Variants in RNMT observed in about 807,000 individuals in gnomAD.
The protein encoded by RNMT is RNA guanine-7 methyltransferase.
Under a neutral mutation model 56.0 loss-of-function variants are expected in RNMT, and 27 were observed. That is an observed-to-expected ratio of 0.48 (90% CI 0.36 to 0.67). RNMT has a LOEUF of 0.67. Among genes scored for constraint, RNMT ranks in the 30% least tolerant of loss-of-function variants. The probability of loss-of-function intolerance (pLI) is 0.00; values close to 1 mark genes in which losing one functional copy is unlikely to be tolerated. For missense variants in RNMT, 519 were observed against 552.1 expected, an observed-to-expected ratio of 0.94 and a Z score of 0.60; for synonymous variants, 184 against 176.2, an observed-to-expected ratio of 1.04 and a Z score of -0.35.
intron 9 of RNMT, 54 bp downstream of exon 9, chr18:13,746,391 G>A: frequency 9.9e-7 from 1 of 1,010,916 alleles, no homozygotes; most frequent in East Asian, 2.4e-5. Context: ...TTGTTTGGCT[G>A]TTCTTGAGAT....
intron 1 of RNMT, among the ~76,000 whole-genome samples, chr18:13,728,321 T>G (rs2044002421): frequency 7.2e-5 from 5 of 69,132 alleles, no homozygotes; most frequent in African/African-American, 1.8e-4. Flanking sequence ...TTTTTTTTTT[T>G]TTTTTTTTTT....
chr18:13,728,855 A>G (rs969699849), intron 1 of RNMT, among the ~76,000 whole-genome samples: 4 of 151,734 alleles, frequency 2.6e-5, no homozygotes, highest in African/African-American at 4.8e-5. Context: ...TATTGAGTTG[A>G]GTTTCTTCTG....
intron 1 of RNMT, among the ~76,000 whole-genome samples, chr18:13,728,987 A>G (rs1186924411): frequency 6.6e-6 from 1 of 151,954 alleles, no homozygotes; most frequent in Non-Finnish European, 1.5e-5. Flanking sequence ...ATGTAATCCC[A>G]TTTGTCTGTT....
At chr18:13,752,564 T>C (rs1225116851) in intron 10 of RNMT, 137 bp downstream of exon 10, 1 of 602,672 alleles carries the variant, frequency 1.7e-6, no homozygotes, top group African/African-American at 1.8e-5. Context: ...CACTAAGTGA[T>C]GTTGACTTGT....
intron 1 of RNMT, among the ~76,000 whole-genome samples, chr18:13,727,058 A>C (rs775918270): frequency 1.4e-4 from 22 of 152,174 alleles, no homozygotes; most frequent in Admixed American, 1.2e-3. Flanking sequence ...GGCGCTTCGG[A>C]AACCTGAACC....
chr18:13,731,373 A>G (rs1428180833), intron 2 of RNMT, 103 bp from the exon 3 acceptor site: 1 of 575,154 alleles, frequency 1.7e-6, no homozygotes, highest in Non-Finnish European at 3.0e-6. Flanking sequence ...ATGCCATTGC[A>G]CTCCAGCCTG....
chr18:13,762,176 T>C lies in RNMT; in HGVS notation c.*2197T>C, dbSNP rs1234868653. 1 of 1,522,508 alleles carries C rather than the reference T, an allele frequency of 6.6e-7. No homozygotes were observed. The highest frequency in any genetic ancestry group is 2.5e-5 in the East Asian group (1 of 40,724). The allele number at this position is 1,522,508 out of a possible 1,614,324, so 94.3% of individuals were successfully genotyped here. A position where few individuals can be genotyped will look rare whatever the true frequency, so the allele number is the denominator to read the frequency against. On this transcript the variant is annotated 3_prime_UTR_variant, in exon 12 of 12. Coordinates refer to ENST00000383314, the MANE Select transcript of RNMT (RefSeq NM_003799.3). ...TATCCTCTGAGAATGGAATTGGAAA[T>C]GAAGACCTAACCAGCTATTGGTGGG...
intron 11 of RNMT, among the ~76,000 whole-genome samples, 200 bp from the exon 12 acceptor site, chr18:13,759,742 T>C (rs1264196747): frequency 6.6e-6 from 1 of 152,208 alleles, no homozygotes; most frequent in Non-Finnish European, 1.5e-5. Context: ...AGTAGATAAT[T>C]GTTTTAAAGT....
chr18:13,731,966 T>C (rs757695002), intron 3 of RNMT, 32 bp downstream of exon 3: 3 of 1,514,934 alleles, frequency 2.0e-6, no homozygotes, highest in Non-Finnish European at 2.7e-6. Context: ...TTATTCATAA[T>C]AGAATATGTA....
In RNMT at chr18:13,764,125, C is replaced by T. The variant is rs1354728502; in HGVS notation, c.*4146C>T. ...TGCAAGTGGCAGGAGCTGAGAATGC[C>T]AGTACGAGAGTGTAGCCAAAGTGAG... On this transcript the variant is annotated 3_prime_UTR_variant, in exon 12 of 12. Coordinates refer to ENST00000383314, the MANE Select transcript of RNMT (RefSeq NM_003799.3). 6.6e-6 allele frequency: 1 copy of T among 152,152 alleles called. No individual in the cohort carries two copies. Among genetic ancestry groups the T allele is most frequent in the Non-Finnish European group, 1.5e-5 (1 of 68,042 alleles). The allele number at this position is 152,152 out of a possible 1,614,324, so 9.4% of individuals were successfully genotyped here.
chr18:13,752,762 T>G (rs2149103962), intron 10 of RNMT, among the ~76,000 whole-genome samples: 1 of 152,364 alleles, frequency 6.6e-6, no homozygotes, highest in South Asian at 2.1e-4. Flanking sequence ...GGGAAAAAAT[T>G]ACATCTTCAC....
intron 8 of RNMT, among the ~76,000 whole-genome samples, chr18:13,743,272 G>A (rs1205322717): frequency 2.7e-5 from 4 of 148,976 alleles, no homozygotes; most frequent in African/African-American, 9.9e-5. Context: ...GCAGTGAGTC[G>A]AGATCGCGCC....
At chr18:13,749,499 A>G (rs185278253) in intron 9 of RNMT, among the ~76,000 whole-genome samples, 138 of 152,350 alleles carry the variant, frequency 9.1e-4, no homozygotes, top group African/African-American at 3.1e-3. Context: ...GAAAAGAGAC[A>G]AAGAAGATTG....
intron 11 of RNMT, among the ~76,000 whole-genome samples, chr18:13,759,515 G>A (rs935253864): frequency 6.6e-6 from 1 of 152,080 alleles, no homozygotes; most frequent in Admixed American, 6.5e-5. Context: ...AACATGTCAT[G>A]TTATGTATGT....
At chr18:13,742,745 A>C (rs2044272054) in intron 8 of RNMT, 93 bp downstream of exon 8, 1 of 932,710 alleles carries the variant, frequency 1.1e-6, no homozygotes, top group African/African-American at 1.7e-5. Flanking sequence ...TTTATTTTAA[A>C]TGAGGGCTAA....
At position 13,760,836 on chromosome 18, in the gene RNMT, C is replaced by T. The variant is rs1022078511; in HGVS notation, c.*857C>T. ...TATTCTCACCATCTGATGCCATGTACCCACTTCAGAAATAAGCAATACTTG... is the reference window on the plus strand; with the variant it reads ...TATTCTCACCATCTGATGCCATGTATCCACTTCAGAAATAAGCAATACTTG... On this transcript the variant is annotated 3_prime_UTR_variant, in exon 12 of 12. Coordinates refer to ENST00000383314, the MANE Select transcript of RNMT (RefSeq NM_003799.3). 1.0e-6 allele frequency: 1 copy of T among 985,406 alleles called. No homozygotes were observed. 61.0% of individuals were successfully genotyped at this position (985,406 alleles called of 1,614,324 possible).
intron 11 of RNMT, 92 bp downstream of exon 11, chr18:13,754,239 G>T (rs2044505994): frequency 1.3e-6 from 1 of 788,862 alleles, no homozygotes; most frequent in Non-Finnish European, 2.1e-6. Flanking sequence ...GGGCACTGTG[G>T]CTCACACCAG....
chr18:13,755,369 C>T (rs2044525518), intron 11 of RNMT, among the ~76,000 whole-genome samples: 1 of 152,142 alleles, frequency 6.6e-6, no homozygotes, highest in African/African-American at 2.4e-5. Flanking sequence ...GTTTTTAATC[C>T]TTGTAATAAC....
intron 8 of RNMT, 85 bp from the exon 9 acceptor site, chr18:13,746,135 C>T (rs1262252729): frequency 1.4e-5 from 10 of 706,732 alleles, no homozygotes; most frequent in South Asian, 3.7e-5. Flanking sequence ...TAGTTAAGTC[C>T]AGAAGATGTC....
Sources: gnomAD v4.1 joint callset for allele counts (sites outside exome capture counted in the v4.1 genomes callset) on GRCh38, gnomAD v4.1.1 for gene constraint, MANE v1.5 for transcripts, NCBI Gene and HGNC (gene_info 2026-07-23, HGNC 2026-07-21) for gene names.